PREPL: variants seen among roughly 807,000 people sequenced by gnomAD.
PREPL encodes prolyl endopeptidase like.
A neutral mutation model predicts 70.6 loss-of-function variants in PREPL; 77 were observed. That is an observed-to-expected ratio of 1.09 (90% CI 0.91 to 1.32). The LOEUF (loss-of-function observed/expected upper bound fraction) is 1.32. Ranked by LOEUF, PREPL falls within the 40% of genes most tolerant of loss-of-function variation. The probability of loss-of-function intolerance (pLI) is 0.00; values close to 1 mark genes in which losing one functional copy is unlikely to be tolerated. For missense variants in PREPL, 1,002 were observed against 778.2 expected, an observed-to-expected ratio of 1.29 and a Z score of -3.42; for synonymous variants, 315 against 264.8, an observed-to-expected ratio of 1.19 and a Z score of -1.84.
At chr2:44,328,803 G>T in intron 9 of PREPL, 134 bp downstream of exon 9, 2 of 904,294 alleles carry the variant, frequency 2.2e-6, no homozygotes, top group Non-Finnish European at 1.6e-6. Flanking sequence ...TTTCACCAGT[G>T]CTGGTTTAGG....
chr2:44,323,164 T>A, intron 11 of PREPL, 98 bp downstream of exon 11: 3 of 1,209,294 alleles, frequency 2.5e-6, no homozygotes, highest in Non-Finnish European at 3.4e-6. Context: ...AGTAGAAACA[T>A]CTCTAAAGCT....
chr2:44,329,045 A>G lies in PREPL; in HGVS notation c.1154T>C (p.Leu385Pro). The G allele has an allele frequency of 6.2e-7, 1 of 1,613,194 alleles. No homozygotes were observed. Among genetic ancestry groups the G allele is most frequent in the Non-Finnish European group, 8.5e-7 (1 of 1,179,188 alleles). Residue 385 changes from leucine (L) to proline (P), a missense_variant, in exon 9 of 14, where the codon CTC becomes CCC. Transcript: ENST00000409411. ...TDSEDLQKKPLLVHVYGAYGM... is the reference protein window; with the variant it reads ...TDSEDLQKKPPLVHVYGAYGM... ...ATAAGCTCCATATACATGTACCAAG[A>G]GAGGTTTCTTCTGCAAGTCCTCAGA...
intron 10 of PREPL, among the ~76,000 whole-genome samples, chr2:44,323,973 C>G (rs1673239543): frequency 6.6e-6 from 1 of 152,184 alleles, no homozygotes; most frequent in African/African-American, 2.4e-5. Context: ...ATCTGCATAC[C>G]TATGTTCACA....
In PREPL at chr2:44,326,821, C is replaced by A; in HGVS notation, c.1370G>T (p.Gly457Val). 6.2e-7 allele frequency: 1 copy of A among 1,614,150 alleles called. No individual in the cohort carries two copies. Among genetic ancestry groups the A allele is most frequent in the Non-Finnish European group, 8.5e-7 (1 of 1,180,014 alleles). ...GGTTGTTAGACTTGGCTGAGAAAAGCCTTGGCCATGAAGCGTCTTAATGCA... is the reference window on the plus strand; with the variant it reads ...GGTTGTTAGACTTGGCTGAGAAAAGACTTGGCCATGAAGCGTCTTAATGCA... Reference protein sequence around the residue: ...EACIKTLHGQGFSQPSLTTLT... With the variant: ...EACIKTLHGQVFSQPSLTTLT... The change falls in exon 10 of 14, where the codon GGC becomes GTC. Residue 457 changes from glycine (G) to valine (V), a missense_variant. Physicochemically the swap from Gly to Val is moderately radical, Grantham distance 109. Coordinates refer to ENST00000409411, the MANE Select transcript of PREPL (RefSeq NM_001171613.2).
chr2:44,333,137 G>C (rs764277333), intron 7 of PREPL, among the ~76,000 whole-genome samples: 3 of 152,114 alleles, frequency 2.0e-5, no homozygotes, highest in Non-Finnish European at 4.4e-5. Context: ...TATTATTTCA[G>C]GGCTATAAAC....
chr2:44,341,145 T>C (rs956187082), intron 5 of PREPL, among the ~76,000 whole-genome samples: 4 of 152,180 alleles, frequency 2.6e-5, no homozygotes, highest in Admixed American at 2.6e-4. Flanking sequence ...AAAAAGCTTA[T>C]ATTTTCATCT....
chr2:44,327,810 C>T (rs1194548100), intron 9 of PREPL, among the ~76,000 whole-genome samples: 1 of 151,922 alleles, frequency 6.6e-6, no homozygotes, highest in Non-Finnish European at 1.5e-5. Flanking sequence ...TTGCAGTGAG[C>T]GGAGATTGCG....
At chr2:44,361,780 C>A, upstream of PREPL, 2 of 703,376 alleles carry the variant, frequency 2.8e-6, no homozygotes, top group Non-Finnish European at 4.1e-6. Flanking sequence ...GGTCCGCCCT[C>A]ACTCAAGATG....
chr2:44,318,824 G>C lies in PREPL; in HGVS notation c.*2532C>G, dbSNP rs1046845136. 4.6e-5 allele frequency: 7 copies of C among 152,090 alleles called. No individual in the cohort carries two copies. The highest frequency in any genetic ancestry group is 1.3e-4 in the Admixed American group (2 of 15,268). 9.4% of individuals were successfully genotyped at this position (152,090 alleles called of 1,614,324 possible). A position where few individuals can be genotyped will look rare whatever the true frequency, so the allele number is the denominator to read the frequency against. ...GTTCAATATGAAAAGCATTATATGA[G>C]ACAAAGGCAATTTTCAAAAATTGAT... is the stretch of plus-strand genomic sequence containing the variant. On this transcript the variant is annotated 3_prime_UTR_variant, in exon 14 of 14. Transcript: ENST00000409411.
chr2:44,325,952 C>G (rs552077669), intron 10 of PREPL, among the ~76,000 whole-genome samples: 1 of 152,088 alleles, frequency 6.6e-6, no homozygotes, highest in Non-Finnish European at 1.5e-5. Flanking sequence ...AATTAAAATA[C>G]GGAAAAACTA....
Position 44,329,067 on chromosome 2 carries a change from CAG to C in PREPL, c.1130_1131del (p.Ser377Ter). 2 of 1,611,222 alleles carry C rather than the reference CAG, an allele frequency of 1.2e-6. No individual in the cohort carries two copies. The highest frequency in any genetic ancestry group is 1.7e-6 in the Non-Finnish European group (2 of 1,177,576). ...VPMTVFHKTD[S>X]EDLQKKPLLV... ...AAGAGAGGTTTCTTCTGCAAGTCCTCAGAGTCAGTTTTGTGGAAAACAGTCAT... is the reference window on the plus strand; with the variant it reads ...AAGAGAGGTTTCTTCTGCAAGTCCTCAGTCAGTTTTGTGGAAAACAGTCAT... On this transcript the variant is annotated frameshift_variant, in exon 9 of 14. Coordinates refer to ENST00000409411, the MANE Select transcript of PREPL (RefSeq NM_001171613.2). LOFTEE classifies it high-confidence loss of function.
intron 1 of PREPL, among the ~76,000 whole-genome samples, chr2:44,354,355 G>A (rs1361919918): frequency 1.3e-5 from 2 of 152,186 alleles, no homozygotes; most frequent in Non-Finnish European, 2.9e-5. Flanking sequence ...GGCAAGATGT[G>A]TATTATAAAA....
At chr2:44,345,999 G>A (rs549463674) in intron 2 of PREPL, among the ~76,000 whole-genome samples, 26 of 151,746 alleles carry the variant, frequency 1.7e-4, no homozygotes, top group East Asian at 1.9e-4. Context: ...TTTTTAAATC[G>A]GAACTGATTG....
intron 10 of PREPL, among the ~76,000 whole-genome samples, chr2:44,325,707 A>G (rs1673426905): frequency 6.6e-6 from 1 of 152,160 alleles, no homozygotes; most frequent in South Asian, 2.1e-4. Flanking sequence ...TTTTTAAAAA[A>G]TAGACTTACA....
At chr2:44,325,187 C>T (rs1673373356) in intron 10 of PREPL, among the ~76,000 whole-genome samples, 1 of 152,216 alleles carries the variant, frequency 6.6e-6, no homozygotes, top group African/African-American at 2.4e-5. Flanking sequence ...TTGGGAGTAG[C>T]TGTGTGACCC....
At chr2:44,351,833 G>A (rs1284586518) in intron 1 of PREPL, among the ~76,000 whole-genome samples, 1 of 152,186 alleles carries the variant, frequency 6.6e-6, no homozygotes, top group Non-Finnish European at 1.5e-5. Context: ...GAGCTTGTGT[G>A]AGTCTGAAGT....
Position 44,333,116 on chromosome 2 carries a change from G to C in PREPL, c.889-460C>G, listed in dbSNP as rs531539199. 5.3e-5 allele frequency among the ~76,000 whole-genome samples: 8 copies of C among 152,286 alleles called. No individual in the cohort carries two copies. The South Asian group carries it at 1.7e-3, about 32-fold the overall frequency. On this transcript the variant is annotated intron_variant, in intron 7 of 13. Transcript: ENST00000409411. ...TTACCCTGCTGCCTGGACAGCCACA[G>C]TGATGACAGTTATTATTTCAGGGCT...
intron 1 of PREPL, among the ~76,000 whole-genome samples, chr2:44,352,564 A>C (rs906392600): frequency 2.0e-5 from 3 of 152,130 alleles, no homozygotes; most frequent in Non-Finnish European, 4.4e-5. Context: ...AGCCTTGTTC[A>C]TGTAATTCTT....
At chr2:44,339,526 G>C (rs1301563447) in intron 5 of PREPL, among the ~76,000 whole-genome samples, 163 bp from the exon 6 acceptor site, 1 of 152,038 alleles carries the variant, frequency 6.6e-6, no homozygotes, top group African/African-American at 2.4e-5. Flanking sequence ...TTAACAATTA[G>C]CTATTATTTT....
Sources: allele counts gnomAD v4.1 joint callset (sites outside exome capture counted in the v4.1 genomes callset), GRCh38; gene constraint gnomAD v4.1.1; transcripts MANE v1.5; gene names NCBI Gene and HGNC (gene_info 2026-07-23, HGNC 2026-07-21).